The following CNBD1 variants were observed in gnomAD, a reference collection of about 807,000 sequenced individuals.
CNBD1 encodes cyclic nucleotide binding domain containing 1, also known as cyclic nucleotide-binding domain-containing protein 1.
In CNBD1, 71 loss-of-function variants were observed where a neutral mutation model predicts 54.4. That is an observed-to-expected ratio of 1.30 (90% CI 1.08 to 1.59). The LOEUF (loss-of-function observed/expected upper bound fraction) is 1.59, where lower values mean the gene tolerates loss of function less well. Ranked by LOEUF, CNBD1 falls within the 40% of genes most tolerant of loss-of-function variation. The pLI is 0.00. For missense variants in CNBD1, 659 were observed against 518.0 expected, an observed-to-expected ratio of 1.27 and a Z score of -2.64; for synonymous variants, 182 against 170.7, an observed-to-expected ratio of 1.07 and a Z score of -0.51.
intron 4 of CNBD1, among the ~76,000 whole-genome samples, chr8:87,065,395 G>C (rs896034801): frequency 8.6e-5 from 13 of 152,024 alleles, no homozygotes; most frequent in African/African-American, 3.1e-4. Flanking sequence ...CTCCAGAGAG[G>C]ATTTACATTG....
intron 8 of CNBD1, among the ~76,000 whole-genome samples, chr8:87,308,586 G>T (rs774853744): frequency 6.6e-6 from 1 of 151,966 alleles, no homozygotes; most frequent in Non-Finnish European, 1.5e-5. Flanking sequence ...TTATTTCTTT[G>T]TGTTAGAAAC....
chr8:87,120,667 C>A (rs1376964856), intron 4 of CNBD1, among the ~76,000 whole-genome samples: 1 of 151,760 alleles, frequency 6.6e-6, no homozygotes, highest in Non-Finnish European at 1.5e-5. Flanking sequence ...TTGCCCCAAT[C>A]TTTTTGCTTT....
chr8:87,003,756 C>T (rs1449695423), intron 4 of CNBD1, among the ~76,000 whole-genome samples: 1 of 152,140 alleles, frequency 6.6e-6, no homozygotes, highest in African/African-American at 2.4e-5. Flanking sequence ...GAGGAAATAG[C>T]AGTCTGTGAA....
At chr8:87,160,912 G>A (rs187620186) in intron 4 of CNBD1, among the ~76,000 whole-genome samples, 2 of 151,950 alleles carry the variant, frequency 1.3e-5, no homozygotes, top group African/African-American at 2.4e-5. Flanking sequence ...ACTACAACAG[G>A]GTGTATTTTC....
In CNBD1 at chr8:87,408,529, C is replaced by A. The variant is rs1807687813; in HGVS notation, c.214-20017C>A. 2.0e-5 allele frequency among the ~76,000 whole-genome samples: 3 copies of A among 151,998 alleles called. No individual in the cohort carries two copies. In the South Asian group the frequency reaches 6.2e-4, roughly 31 times the overall value. ...CATCTTTATGAACTATTTTTAAGGACTTTGGGCTGCTTTTTTCTTTTCGTC... is the reference window on the plus strand; with the variant it reads ...CATCTTTATGAACTATTTTTAAGGAATTTGGGCTGCTTTTTTCTTTTCGTC... On this transcript the variant is annotated intron_variant, in intron 2 of 7. Coordinates refer to the CNBD1 transcript ENST00000521593.
chr8:87,146,473 T>G (rs960199274), intron 4 of CNBD1, among the ~76,000 whole-genome samples: 4 of 152,134 alleles, frequency 2.6e-5, no homozygotes, highest in African/African-American at 9.7e-5. Flanking sequence ...GCTCTCAACT[T>G]AATTTATTTT....
intron 5 of CNBD1, among the ~76,000 whole-genome samples, chr8:87,223,742 T>C (rs568100894): frequency 6.6e-6 from 1 of 152,180 alleles, no homozygotes; most frequent in South Asian, 2.1e-4. Flanking sequence ...TTCATAGTCC[T>C]TTGGGTATAT....
chr8:87,415,120 G>C (rs770271533), intron 2 of CNBD1, among the ~76,000 whole-genome samples: 1 of 152,020 alleles, frequency 6.6e-6, no homozygotes, highest in Non-Finnish European at 1.5e-5. Flanking sequence ...ATCCCCAAAG[G>C]TGCTTTACCA....
At chr8:87,363,204 A>G (rs1211150176) in intron 10 of CNBD1, among the ~76,000 whole-genome samples, 1 of 152,100 alleles carries the variant, frequency 6.6e-6, no homozygotes, top group African/African-American at 2.4e-5. Context: ...TTATGGCCAC[A>G]TAGTATTCCA....
At chr8:87,417,610 A>G (rs1415711640) in intron 2 of CNBD1, among the ~76,000 whole-genome samples, 2 of 151,842 alleles carry the variant, frequency 1.3e-5, no homozygotes, top group Non-Finnish European at 2.9e-5. Flanking sequence ...CAAAATTTAC[A>G]TACACACAAA....
chr8:87,404,856 C>G (rs1433386765), intron 2 of CNBD1, among the ~76,000 whole-genome samples: 1 of 151,782 alleles, frequency 6.6e-6, no homozygotes, highest in Non-Finnish European at 1.5e-5. Flanking sequence ...GCAAAACTTT[C>G]TGAAATGTGA....
At chr8:87,288,118 C>A (rs1324877795) in intron 8 of CNBD1, among the ~76,000 whole-genome samples, 2 of 152,096 alleles carry the variant, frequency 1.3e-5, no homozygotes, top group Admixed American at 6.6e-5. Flanking sequence ...CAGTTTGATA[C>A]CTCCAGGTCC....
chr8:87,150,367 C>A lies in CNBD1; in HGVS notation c.432-55626C>A, dbSNP rs941484441. Among the ~76,000 whole-genome samples the A allele has an allele frequency of 4.6e-5, 7 of 152,264 alleles. 1 individual carries two copies. In the South Asian group the frequency reaches 1.2e-3, roughly 27 times the overall value. On this transcript the variant is annotated intron_variant, in intron 4 of 10. Transcript: ENST00000518476. ...CACTGCTGTTGAAGTCTGTAGAGTT[C>A]ATTGAATCCTAAATAGTGTTTCAGT...
intron 5 of CNBD1, among the ~76,000 whole-genome samples, chr8:87,236,533 GA>G (rs1807587427): frequency 6.6e-6 from 1 of 151,934 alleles, no homozygotes; most frequent in Admixed American, 6.6e-5. Context: ...TATAAAATAG[GA>G]AAAATGGCAT....
chr8:86,942,200 A>G (rs996935258), intron 4 of CNBD1, among the ~76,000 whole-genome samples: 1 of 152,228 alleles, frequency 6.6e-6, no homozygotes, highest in African/African-American at 2.4e-5. Context: ...AGATCAATGT[A>G]TGCACTAAAT....
chr8:87,281,870 A>G (rs1488920267), intron 6 of CNBD1, among the ~76,000 whole-genome samples: 2 of 151,444 alleles, frequency 1.3e-5, no homozygotes, highest in East Asian at 1.9e-4. Context: ...ATGTGGTATT[A>G]TGACATTAAT....
At chr8:87,343,496 A>G (rs6468778) in intron 8 of CNBD1, among the ~76,000 whole-genome samples, 152,277 of 152,294 alleles carry the variant, frequency 1, 76,130 homozygotes, top group Middle Eastern at 1. Context: ...CGGTCCCTCC[A>G]TTCGGGGTCC....
chr8:87,287,830 C>T (rs1490069337), intron 8 of CNBD1, among the ~76,000 whole-genome samples: 1 of 152,020 alleles, frequency 6.6e-6, no homozygotes, highest in African/African-American at 2.4e-5. Flanking sequence ...TTCCAAATTT[C>T]CTTCTACTGC....
At chr8:87,147,060 C>T (rs1474296637) in intron 4 of CNBD1, among the ~76,000 whole-genome samples, 2 of 152,082 alleles carry the variant, frequency 1.3e-5, no homozygotes, top group Non-Finnish European at 2.9e-5. Context: ...GCCATCAGTG[C>T]TAGCTGTTCC....
Sources: allele counts gnomAD v4.1 joint callset (sites outside exome capture counted in the v4.1 genomes callset), GRCh38; gene constraint gnomAD v4.1.1; transcripts MANE v1.5; gene names NCBI Gene and HGNC (gene_info 2026-07-23, HGNC 2026-07-21).